Variants in STOX2 observed in about 807,000 individuals in gnomAD.
STOX2 encodes storkhead box 2, also known as storkhead-box protein 2.
STOX2 carries 28 observed loss-of-function variants against 60.9 expected under a neutral mutation model. The ratio of observed to expected loss-of-function variants is 0.46; its 90% CI spans 0.34 to 0.63. The LOEUF is 0.63. Ranked by LOEUF, STOX2 falls within the 30% of genes least tolerant of loss-of-function variation. The pLI, the probability that STOX2 is intolerant of heterozygous loss-of-function variation, is 0.01. For missense variants in STOX2, 1,024 were observed against 1,187.7 expected (o/e 0.86, Z 2.03); for synonymous variants, 472 against 463.9 (o/e 1.02, Z -0.22).
intron 1 of STOX2, among the ~76,000 whole-genome samples, chr4:183,992,397 A>G (rs1221009654): frequency 6.6e-6 from 1 of 152,206 alleles, no homozygotes; most frequent in Non-Finnish European, 1.5e-5. Context: ...TGTGACCTAG[A>G]GTTGTTAGAT....
rs1477552256 is a variant in STOX2 at position 183,905,323 on chromosome 4, A to C, written c.-1468A>C. 6.6e-6 allele frequency: 1 copy of C among 152,294 alleles called. No homozygotes were observed. The highest frequency in any genetic ancestry group is 1.5e-5 in the Non-Finnish European group (1 of 68,112). The allele number at this position is 152,294 out of a possible 1,614,324, so 9.4% of individuals were successfully genotyped here. Reference sequence around the variant, plus strand: ...TGTTGGACCAGAAACAGCTGTGCAGAGCCGTGCCATCTAAAGAGCTGTGGA... The same window carrying C: ...TGTTGGACCAGAAACAGCTGTGCAGCGCCGTGCCATCTAAAGAGCTGTGGA... On this transcript the variant is annotated 5_prime_UTR_variant, in exon 1 of 4. Transcript: ENST00000308497.
intron 1 of STOX2, among the ~76,000 whole-genome samples, chr4:183,913,282 G>A (rs1741835196): frequency 6.6e-6 from 1 of 152,184 alleles, no homozygotes; most frequent in Non-Finnish European, 1.5e-5. Flanking sequence ...TGAAATTTGG[G>A]CGGATTCAGA....
intron 1 of STOX2, among the ~76,000 whole-genome samples, chr4:183,931,441 A>G (rs1208816307): frequency 1.3e-5 from 2 of 152,016 alleles, no homozygotes; most frequent in Non-Finnish European, 2.9e-5. Context: ...CCCCCCACCA[A>G]AAAAACTGTG....
chr4:183,987,832 C>CG (rs2111196970), intron 1 of STOX2: 1 of 152,338 alleles, frequency 6.6e-6, no homozygotes, highest in South Asian at 2.1e-4. Context: ...ACAGTAGAAC[C>CG]GCCTGTTACA....
At position 183,877,053 on chromosome 4, in the gene STOX2, G is replaced by A. The variant is rs143439143; in HGVS notation, c.364+78998G>A. Among the ~76,000 whole-genome samples the A allele has an allele frequency of 5.5e-3, 839 of 152,220 alleles. 6 individuals are homozygous for A. The highest frequency in any genetic ancestry group is 0.019 in the African/African-American group (807 of 41,514). The stretch of plus-strand genomic sequence containing the variant: ...CATACTATGAGACTGTGTTTTTTGG[G>A]TTTTTTTAATGCTATAAATCTGTAA... On this transcript the variant is annotated intron_variant, in intron 1 of 2. Coordinates refer to the STOX2 transcript ENST00000513034.
At chr4:183,933,886 A>G (rs1178798940) in intron 1 of STOX2, among the ~76,000 whole-genome samples, 3 of 152,248 alleles carry the variant, frequency 2.0e-5, no homozygotes, top group Admixed American at 2.0e-4. Context: ...GATGAAAAAA[A>G]TTAAATAGTG....
intron 1 of STOX2, among the ~76,000 whole-genome samples, chr4:183,818,164 T>C (rs902410936): frequency 1.3e-5 from 2 of 151,794 alleles, no homozygotes; most frequent in African/African-American, 4.8e-5. Context: ...GGCAGGGTCA[T>C]AGGACAACAG....
intron 1 of STOX2, among the ~76,000 whole-genome samples, chr4:183,892,963 G>T (rs1357102407): frequency 1.3e-5 from 2 of 152,176 alleles, no homozygotes; most frequent in Admixed American, 1.3e-4. Context: ...CTCTGGAAAA[G>T]TCTGTAGGAG....
In STOX2 at chr4:184,020,762, T is replaced by G. The variant is rs1734555120; in HGVS notation, c.*3478T>G. 2 of 152,224 alleles carry G rather than the reference T, an allele frequency of 1.3e-5. No individual in the cohort carries two copies. Among genetic ancestry groups the G allele is most frequent in the South Asian group, 4.2e-4 (2 of 4,816 alleles). 9.4% of individuals were successfully genotyped at this position (152,224 alleles called of 1,614,324 possible). A position where few individuals can be genotyped will look rare whatever the true frequency, so the allele number is the denominator to read the frequency against. ...AGCTGGATAAAAATAACAAATTACT[T>G]CTTCTCTGATGTTGTGAAGGTCAGG... On this transcript the variant is annotated 3_prime_UTR_variant, in exon 4 of 4. Coordinates refer to ENST00000308497, the MANE Select transcript of STOX2 (RefSeq NM_020225.3).
chr4:183,875,244 T>A (rs1740802516), intron 1 of STOX2, among the ~76,000 whole-genome samples: 1 of 151,994 alleles, frequency 6.6e-6, no homozygotes. Flanking sequence ...TTCTTGTCTT[T>A]ATTCTCTTAA....
chr4:183,815,012 T>A (rs984504700), intron 1 of STOX2, among the ~76,000 whole-genome samples: 1 of 152,144 alleles, frequency 6.6e-6, no homozygotes, highest in Non-Finnish European at 1.5e-5. Context: ...TATTTTATTT[T>A]TTTTCAAGAC....
chr4:183,979,698 C>T (rs1188771229), intron 1 of STOX2, among the ~76,000 whole-genome samples: 8 of 152,092 alleles, frequency 5.3e-5, no homozygotes, highest in Non-Finnish European at 7.4e-5. Flanking sequence ...AAGTTCCATA[C>T]GACACTATGA....
intron 1 of STOX2, among the ~76,000 whole-genome samples, chr4:183,855,788 G>A (rs1020461013): frequency 2.0e-5 from 3 of 152,230 alleles, no homozygotes; most frequent in African/African-American, 7.2e-5. Flanking sequence ...GGAATGATGT[G>A]TTGAGGAATG....
chr4:183,951,391 C>A (rs760958010), intron 1 of STOX2, among the ~76,000 whole-genome samples: 10 of 149,832 alleles, frequency 6.7e-5, no homozygotes, highest in Non-Finnish European at 1.2e-4. Context: ...CATGTTGCTG[C>A]CTGTTCATAG....
chr4:183,908,946 C>T (rs962116470), intron 1 of STOX2, among the ~76,000 whole-genome samples: 1 of 152,190 alleles, frequency 6.6e-6, no homozygotes, highest in Non-Finnish European at 1.5e-5. Context: ...GCTGGATTCT[C>T]ATGGGGTTAT....
chr4:183,832,178 C>T (rs556185674), intron 1 of STOX2, among the ~76,000 whole-genome samples: 3 of 151,644 alleles, frequency 2.0e-5, no homozygotes, highest in African/African-American at 7.3e-5. Context: ...TTGGTAGAGA[C>T]AGGGTTTCAC....
At chr4:183,947,029 C>T (rs982256662) in intron 1 of STOX2, among the ~76,000 whole-genome samples, 3 of 152,028 alleles carry the variant, frequency 2.0e-5, no homozygotes, top group Non-Finnish European at 4.4e-5. Context: ...GCAAACACCA[C>T]ACCACTTTAC....
At chr4:183,846,074 A>G (rs949849208) in intron 1 of STOX2, among the ~76,000 whole-genome samples, 1 of 152,188 alleles carries the variant, frequency 6.6e-6, no homozygotes, top group African/African-American at 2.4e-5. Context: ...AGTTTGCTGA[A>G]TATAAAATTC....
Position 183,915,676 on chromosome 4 carries a change from A to T in STOX2, c.166+8720A>T, listed in dbSNP as rs971968575. On this transcript the variant is annotated intron_variant, in intron 1 of 3. Coordinates refer to ENST00000308497, the MANE Select transcript of STOX2 (RefSeq NM_020225.3). ...CTTATAAGAAGAAGAAAAGAGACAC[A>T]GACACAGGGGAGAATACCATGTGAC... Among the ~76,000 whole-genome samples the T allele has an allele frequency of 5.9e-5, 9 of 152,208 alleles. No individual in the cohort carries two copies. The South Asian group carries it at 6.2e-4, about 11-fold the overall frequency.
Sources: gnomAD v4.1 joint callset for allele counts (sites outside exome capture counted in the v4.1 genomes callset) on GRCh38, gnomAD v4.1.1 for gene constraint, MANE v1.5 for transcripts, NCBI Gene and HGNC (gene_info 2026-07-23, HGNC 2026-07-21) for gene names.